The following CLU variants were observed in gnomAD, a reference collection of about 807,000 sequenced individuals.
CLU encodes aging-associated protein 4.
CLU carries 25 observed loss-of-function variants against 46.4 expected under a neutral mutation model. The observed-to-expected ratio is 0.54, with a 90% CI of 0.39 to 0.75. The LOEUF (loss-of-function observed/expected upper bound fraction) is 0.75, where lower values mean the gene tolerates loss of function less well. CLU is among the 30% of genes least tolerant of loss of function. The probability of loss-of-function intolerance (pLI) is 0.00; values close to 1 mark genes in which losing one functional copy is unlikely to be tolerated. For missense variants in CLU, 504 were observed against 592.1 expected, an observed-to-expected ratio of 0.85 and a Z score of 1.54; for synonymous variants, 235 against 235.1, an observed-to-expected ratio of 1.00 and a Z score of 0.00.
Position 27,605,198 on chromosome 8 carries a change from G to T in CLU, c.555C>A (p.Ser185Arg). 6.2e-7 allele frequency: 1 copy of T among 1,614,222 alleles called. No individual in the cohort carries two copies. The highest frequency in any genetic ancestry group is 8.5e-7 in the Non-Finnish European group (1 of 1,180,038). Reference protein sequence around the residue: ...VMQDHFSRASSIIDELFQDRF... With the variant: ...VMQDHFSRASRIIDELFQDRF... ...TGTCCTGGAAGAGCTCGTCTATGAT[G>T]CTGGACGCGCGGCTGAAGTGGTCCT... The change falls in exon 5 of 9, where the codon AGC becomes AGA. Residue 185 changes from serine (S) to arginine (R), a missense_variant. Ser to Arg is a moderately radical substitution (Grantham distance 110). This residue lies in a region of CLU where 428 missense variants were observed against 484.0 expected (regional missense o/e 0.88). Coordinates refer to ENST00000316403, the MANE Select transcript of CLU (RefSeq NM_001831.4).
At position 27,599,842 on chromosome 8, in the gene CLU, A is replaced by G; in HGVS notation, c.1102T>C (p.Trp368Arg). 2.5e-6 allele frequency: 4 copies of G among 1,614,174 alleles called. No individual in the cohort carries two copies. The highest frequency in any genetic ancestry group is 3.4e-6 in the Non-Finnish European group (4 of 1,180,012). The change falls in exon 7 of 9, where the codon TGG (tryptophan) becomes CGG (arginine). Residue 368 changes from tryptophan to arginine, a missense_variant. Transcript: ENST00000316403. This position sits in a 1 kb window ranked among gnomAD's most constrained non-coding sequence, Gnocchi z 4.0. ...GTGAGGTTTGCCAGCCGGGACACCC[A>G]GTTAAACTGCTCGTTCAGCTGCTCC... Reference protein sequence around the residue: ...LLEQLNEQFNWVSRLANLTQG... With the variant: ...LLEQLNEQFNRVSRLANLTQG...
chr8:27,610,601 CT>C lies in CLU; in HGVS notation c.-29-2del, dbSNP rs1800907394. The C allele has an allele frequency of 6.2e-7, 1 of 1,601,092 alleles. No individual in the cohort carries two copies. Among genetic ancestry groups the C allele is most frequent in the Non-Finnish European group, 8.6e-7 (1 of 1,168,286 alleles). ...CCAATTCTGGAGTCTTTGCACGCCT[CT>C]GCAGAGAACAGGAGACCATCATGGG... On this transcript the variant is annotated splice_acceptor_variant, in intron 1 of 8. Transcript: ENST00000316403. LOFTEE classifies it low-confidence loss of function (5UTR_SPLICE).
At chr8:27,604,525 T>A in intron 5 of CLU, 130 bp from the exon 6 acceptor site, 1 of 809,344 alleles carries the variant, frequency 1.2e-6, no homozygotes, top group South Asian at 1.5e-5. Context: ...CAGGCTGGAA[T>A]GCAATGGTGC....
intron 1 of CLU, among the ~76,000 whole-genome samples, chr8:27,612,623 G>T (rs545243): frequency 0.055 from 8,382 of 152,072 alleles, 809 homozygotes; most frequent in African/African-American, 0.19. Context: ...TATAATGTTG[G>T]TTCTGAGACT....
At chr8:27,598,677 G>C in intron 7 of CLU, 42 bp from the exon 8 acceptor site, 1 of 1,591,344 alleles carries the variant, frequency 6.3e-7, no homozygotes, top group Middle Eastern at 1.7e-4. Flanking sequence ...AAACACTGTG[G>C]TCAAAATGCA....
At position 27,609,100 on chromosome 8, in the gene CLU, G is replaced by A. The variant is rs538709796; in HGVS notation, c.98-14C>T. 2 of 1,613,428 alleles carry A rather than the reference G, an allele frequency of 1.2e-6. No homozygotes were observed. The highest frequency in any genetic ancestry group is 1.7e-6 in the Non-Finnish European group (2 of 1,179,988). On this transcript the variant is annotated splice_polypyrimidine_tract_variant and intron_variant, in intron 2 of 8. Transcript: ENST00000316403. ...GATTGGACATTTCTGCAAGAGAAGTGCAAGAGGCAGAATGAGGCGAGAGGA... is the reference window on the plus strand; with the variant it reads ...GATTGGACATTTCTGCAAGAGAAGTACAAGAGGCAGAATGAGGCGAGAGGA...
intron 1 of CLU, 48 bp downstream of exon 1, chr8:27,614,607 G>A (rs1326723643): frequency 2.0e-6 from 1 of 495,958 alleles, no homozygotes; most frequent in Admixed American, 2.1e-5. Context: ...CCGCCCATCC[G>A]TCCTGGTGTG....
rs912479004 is a variant in CLU at position 27,606,646 on chromosome 8, A to G, written c.247-122T>C. 1.2e-5 allele frequency: 13 copies of G among 1,106,812 alleles called. No homozygotes were observed. In the African/African-American group the frequency reaches 1.7e-4, roughly 14 times the overall value. The allele number at this position is 1,106,812 out of a possible 1,614,324, so 68.6% of individuals were successfully genotyped here. A position where few individuals can be genotyped will look rare whatever the true frequency, so the allele number is the denominator to read the frequency against. On this transcript the variant is annotated intron_variant, in intron 3 of 8. Transcript: ENST00000316403. ...CCTTCCCATAGGCTGGCCACCCAGC[A>G]TGCAAGTGCCTACCCTTGCTCCAGT... is the stretch of plus-strand genomic sequence containing the variant.
chr8:27,606,750 C>G (rs192299441), intron 3 of CLU, among the ~76,000 whole-genome samples: 1 of 152,378 alleles, frequency 6.6e-6, no homozygotes, highest in East Asian at 1.9e-4. Context: ...CAAGATCCAA[C>G]TGTTCCCTAA....
intron 2 of CLU, among the ~76,000 whole-genome samples, chr8:27,609,494 G>A (rs1800883534): frequency 6.7e-6 from 1 of 149,610 alleles, no homozygotes; most frequent in African/African-American, 2.6e-5. Flanking sequence ...AAACAGATAT[G>A]TGTATTTCTT....
chr8:27,605,233 C>T lies in CLU; in HGVS notation c.520G>A (p.Asp174Asn), dbSNP rs747059671. 7.4e-6 allele frequency: 12 copies of T among 1,614,108 alleles called. No individual in the cohort carries two copies. Among genetic ancestry groups the T allele is most frequent in the Non-Finnish European group, 9.3e-6 (11 of 1,180,050 alleles). The change falls in exon 5 of 9, where the codon GAT (aspartate) becomes AAT (asparagine). Residue 174 changes from aspartate to asparagine, a missense_variant. By Grantham distance (23) the Asp-to-Asn change is conservative. Coordinates refer to ENST00000316403, the MANE Select transcript of CLU (RefSeq NM_001831.4). ...CGGCTGAAGTGGTCCTGCATGACATCCAGCATGTGCGTCTGCTGCCGGTCG... is the reference window on the plus strand; with the variant it reads ...CGGCTGAAGTGGTCCTGCATGACATTCAGCATGTGCGTCTGCTGCCGGTCG... ...ENDRQQTHMLDVMQDHFSRAS... is the reference protein window; with the variant it reads ...ENDRQQTHMLNVMQDHFSRAS...
chr8:27,597,834 C>A lies in CLU; in HGVS notation c.*407G>T, dbSNP rs749846329. 1.9e-5 allele frequency: 9 copies of A among 471,190 alleles called. No individual in the cohort carries two copies. Among genetic ancestry groups the A allele is most frequent in the Non-Finnish European group, 3.8e-5 (9 of 238,834 alleles). 29.2% of individuals were successfully genotyped at this position (471,190 alleles called of 1,614,324 possible). A position where few individuals can be genotyped will look rare whatever the true frequency, so the allele number is the denominator to read the frequency against. The stretch of plus-strand genomic sequence containing the variant: ...ACCTTGTCATCATATCCCTTTTATT[C>A]TTCACCCTTTTATTCTTCACTGGTA... On this transcript the variant is annotated 3_prime_UTR_variant, in exon 9 of 9. Transcript: ENST00000316403.
chr8:27,599,338 A>C lies in CLU; in HGVS notation c.1164+442T>G. 1 of 184,974 alleles carries C rather than the reference A, an allele frequency of 5.4e-6. No individual in the cohort carries two copies. The highest frequency in any genetic ancestry group is 1.2e-4 in the South Asian group (1 of 8,288). 11.5% of individuals were successfully genotyped at this position (184,974 alleles called of 1,614,324 possible). Reference sequence around the variant, plus strand: ...GCTGGGATTACAGGCATGAGCCACCATGTCTGGCCTAGAGAGAAGTTTTTA... The same window carrying C: ...GCTGGGATTACAGGCATGAGCCACCCTGTCTGGCCTAGAGAGAAGTTTTTA... On this transcript the variant is annotated intron_variant, in intron 7 of 8. Transcript: ENST00000316403. This position sits in a 1 kb window ranked among gnomAD's most constrained non-coding sequence, Gnocchi z 4.0.
intron 1 of CLU, chr8:27,611,482 C>T (rs1180889506): frequency 4.4e-6 from 2 of 456,586 alleles, no homozygotes; most frequent in Non-Finnish European, 8.8e-6. Context: ...AGGCCATAGC[C>T]CCGGTCTTAC....
chr8:27,599,774 G>A lies in CLU; in HGVS notation c.1164+6C>T, dbSNP rs1387547893. 1.3e-6 allele frequency: 2 copies of A among 1,599,920 alleles called. No individual in the cohort carries two copies. The highest frequency in any genetic ancestry group is 1.7e-6 in the Non-Finnish European group (2 of 1,172,028). On this transcript the variant is annotated splice_donor_region_variant and intron_variant, in intron 7 of 8. Transcript: ENST00000316403. This position sits in a 1 kb window ranked among gnomAD's most constrained non-coding sequence, Gnocchi z 4.0. ...AGCCACAGCATGTGGCCGGGACACA[G>A]CTCACCGTGGTGACCCGCAGATAGT...
intron 6 of CLU, among the ~76,000 whole-genome samples, chr8:27,602,482 A>C (rs910602024): frequency 6.6e-6 from 1 of 151,760 alleles, no homozygotes; most frequent in Non-Finnish European, 1.5e-5. Flanking sequence ...GCACACCTGT[A>C]GTCTGTTACT....
chr8:27,603,657 G>A (rs1800761252), intron 6 of CLU, among the ~76,000 whole-genome samples: 1 of 152,212 alleles, frequency 6.6e-6, no homozygotes, highest in Non-Finnish European at 1.5e-5. Context: ...AGGGACTATT[G>A]CTTGGATGCC....
At position 27,604,175 on chromosome 8, in the gene CLU, G is replaced by C. The variant is rs1800770890; in HGVS notation, c.934+116C>G. ...CGGGACACAGCTCAAAGGCTGCAGAGCTGGAATCCAAACGCTTATCTGTCT... is the reference window on the plus strand; with the variant it reads ...CGGGACACAGCTCAAAGGCTGCAGACCTGGAATCCAAACGCTTATCTGTCT... On this transcript the variant is annotated intron_variant, in intron 6 of 8. Transcript: ENST00000316403. 31 of 808,736 alleles carry C rather than the reference G, an allele frequency of 3.8e-5. No homozygotes were observed. In the South Asian group the frequency reaches 4.3e-4, roughly 11 times the overall value. The allele number at this position is 808,736 out of a possible 1,614,324, so 50.1% of individuals were successfully genotyped here. A position where few individuals can be genotyped will look rare whatever the true frequency, so the allele number is the denominator to read the frequency against.
chr8:27,607,165 C>T (rs1375028042), intron 3 of CLU, among the ~76,000 whole-genome samples: 1 of 152,090 alleles, frequency 6.6e-6, no homozygotes, highest in Non-Finnish European at 1.5e-5. Flanking sequence ...TGGTGAAACT[C>T]CATCTCTACT....
Sources: allele counts gnomAD v4.1 joint callset (sites outside exome capture counted in the v4.1 genomes callset), GRCh38; gene constraint gnomAD v4.1.1; regional missense constraint gnomAD v4.1.1; non-coding constraint Gnocchi (gnomAD v3.1); transcripts MANE v1.5; gene names NCBI Gene and HGNC (gene_info 2026-07-23, HGNC 2026-07-21).